The following POF1B variants were observed in gnomAD, a reference collection of about 807,000 sequenced individuals.
The protein encoded by POF1B is protein POF1B.
A neutral mutation model predicts 55.3 loss-of-function variants in POF1B; 53 were observed. That is an observed-to-expected ratio of 0.96 (90% confidence interval 0.77 to 1.20). The LOEUF (loss-of-function observed/expected upper bound fraction) is 1.20, where lower values mean the gene tolerates loss of function less well. Ranked by LOEUF, POF1B falls within the 50% of genes most tolerant of loss-of-function variation. The pLI is 0.00. For missense variants in POF1B, 478 were observed against 420.5 expected (o/e 1.14, Z -1.20); for synonymous variants, 188 against 148.3 (o/e 1.27, Z -1.95).
In POF1B at chrX:85,307,165, G is replaced by T. The variant is rs375697606; in HGVS notation, c.1162C>A (p.Gln388Lys). 11 of 1,192,948 alleles carry T rather than the reference G, an allele frequency of 9.2e-6. No individual in the cohort carries two copies. The highest frequency in any genetic ancestry group is 1.2e-5 in the Non-Finnish European group (11 of 882,596). The change falls in exon 11 of 17, where the codon CAG (glutamine) becomes AAG (lysine). Residue 388 changes from glutamine to lysine, a missense_variant and splice_region_variant. Transcript: ENST00000262753. ...CACCAATAAAAGCATCAGTTTACCT[G>T]CTGCTGGTGATTATTTGCTCTCACT... is the stretch of plus-strand genomic sequence containing the variant. ...ASVRANNHQQQQGLQDSSSKC... is the reference protein window; with the variant it reads ...ASVRANNHQQKQGLQDSSSKC...
intron 6 of POF1B, among the ~76,000 whole-genome samples, chrX:85,333,693 G>A (rs7886971): frequency 0.22 from 23,957 of 110,131 alleles, 2,514 homozygotes; most frequent in African/African-American, 0.41. Context: ...AAGAGTCAGT[G>A]TCATCACACA....
chrX:85,318,968 A>G, intron 7 of POF1B, among the ~76,000 whole-genome samples: 1 of 111,793 alleles, frequency 8.9e-6, no homozygotes. Context: ...CAGTATTGCC[A>G]TTTTGATAAT....
chrX:85,325,833 AC>A (rs894447672), intron 7 of POF1B, among the ~76,000 whole-genome samples: 1 of 110,532 alleles, frequency 9.0e-6, no homozygotes, highest in Non-Finnish European at 1.9e-5. Context: ...GAAGTTGCTG[AC>A]CTTTGGTTGG....
Position 85,308,125 on chromosome X carries a change from G to A in POF1B, c.1049C>T (p.Thr350Ile). The change falls in exon 10 of 17, where the codon ACA becomes ATA. Residue 350 changes from threonine (T) to isoleucine (I), a missense_variant and splice_region_variant. Transcript: ENST00000262753. ...EELGHLQNDM[T>I]SLENDKMRLE... ...GGAAAAAATCAAAATAAATCTTACT[G>A]TCATATCATTTTGAAGATGTCCAAG... The A allele has an allele frequency of 8.6e-7, 1 of 1,160,042 alleles. No homozygotes were observed. The highest frequency in any genetic ancestry group is 1.8e-5 in the African/African-American group (1 of 56,642).
intron 6 of POF1B, among the ~76,000 whole-genome samples, chrX:85,340,899 A>C (rs1035327912): frequency 2.7e-5 from 3 of 111,590 alleles, no homozygotes; most frequent in Non-Finnish European, 5.7e-5. Flanking sequence ...CAAATGAAAA[A>C]AATTAGAGAA....
At chrX:85,313,672 G>A (rs1444698126) in intron 9 of POF1B, among the ~76,000 whole-genome samples, 6 of 111,218 alleles carry the variant, frequency 5.4e-5, no homozygotes, top group Admixed American at 9.6e-5. Flanking sequence ...TTTGGTATCA[G>A]GATGATGCTG....
intron 3 of POF1B, 136 bp from the exon 4 acceptor site, chrX:85,359,766 T>C (rs956566440): frequency 2.3e-6 from 1 of 436,737 alleles, no homozygotes; most frequent in South Asian, 3.9e-5. Flanking sequence ...TTTTATGATT[T>C]AGTTAATTTT....
At chrX:85,282,132 A>G in intron 16 of POF1B, 71 bp downstream of exon 16, 1 of 1,032,473 alleles carries the variant, frequency 9.7e-7, no homozygotes, top group Non-Finnish European at 1.2e-6. Flanking sequence ...TTCATTTGAT[A>G]TTTTACCTCA....
chrX:85,360,059 A>G (rs2147944370), intron 3 of POF1B, among the ~76,000 whole-genome samples: 1 of 110,997 alleles, frequency 9.0e-6, no homozygotes, highest in East Asian at 2.8e-4. Flanking sequence ...AGTGTGCTGG[A>G]AAGAGAGGAC....
intron 16 of POF1B, among the ~76,000 whole-genome samples, chrX:85,279,983 C>A (rs150514308): frequency 0.03 from 3,364 of 110,715 alleles, 126 homozygotes; most frequent in African/African-American, 0.1. Flanking sequence ...ATTTTAAATT[C>A]TATGGGTTAA....
chrX:85,306,721 G>A (rs1932583606), intron 11 of POF1B, among the ~76,000 whole-genome samples: 1 of 111,390 alleles, frequency 9.0e-6, no homozygotes, highest in Non-Finnish European at 1.9e-5. Flanking sequence ...ATCAGGAAGA[G>A]GGTAATCCTT....
At chrX:85,365,648 C>G (rs932988220) in intron 3 of POF1B, among the ~76,000 whole-genome samples, 2 of 111,721 alleles carry the variant, frequency 1.8e-5, no homozygotes. Flanking sequence ...GCTATGCTCC[C>G]TCTCAATGCC....
intron 6 of POF1B, among the ~76,000 whole-genome samples, chrX:85,336,586 C>A (rs950155966): frequency 9.0e-6 from 1 of 111,188 alleles, no homozygotes; most frequent in African/African-American, 3.3e-5. Flanking sequence ...TTACACCTCC[C>A]GTTTGCCATT....
chrX:85,318,202 C>T (rs192935997), intron 7 of POF1B, among the ~76,000 whole-genome samples: 1 of 111,701 alleles, frequency 9.0e-6, no homozygotes, highest in Non-Finnish European at 1.9e-5. Context: ...CAAGCCTGTA[C>T]TTGTAATCCC....
At chrX:85,280,623 C>T (rs980144288) in intron 16 of POF1B, among the ~76,000 whole-genome samples, 2 of 111,037 alleles carry the variant, frequency 1.8e-5, no homozygotes, top group African/African-American at 6.5e-5. Context: ...ACTTTTATAC[C>T]TCAGTAGTTT....
At chrX:85,283,243 G>A (rs181442394) in intron 15 of POF1B, among the ~76,000 whole-genome samples, 1 of 111,170 alleles carries the variant, frequency 9.0e-6, no homozygotes, top group African/African-American at 3.3e-5. Context: ...GACTAATAAT[G>A]AAGAGAAATA....
intron 7 of POF1B, among the ~76,000 whole-genome samples, chrX:85,319,317 G>C (rs1932814469): frequency 1.8e-5 from 2 of 111,484 alleles, no homozygotes; most frequent in East Asian, 2.8e-4. Flanking sequence ...TCTGCAAACA[G>C]GGATAGTTTG....
intron 3 of POF1B, among the ~76,000 whole-genome samples, chrX:85,360,568 C>CATATACACT (rs1555988353): frequency 1.2e-5 from 1 of 81,575 alleles, no homozygotes; most frequent in African/African-American, 6.4e-5. Flanking sequence ...TACATATATA[C>CATATACACT]ACATTTTCTT....
At chrX:85,308,048 A>G (rs1243113892) in intron 10 of POF1B, 76 bp downstream of exon 10, 5 of 588,184 alleles carry the variant, frequency 8.5e-6, no homozygotes, top group Admixed American at 6.6e-5. Flanking sequence ...TTAAAAACAT[A>G]TACTGGACAT....
Sources: gnomAD v4.1 joint callset for allele counts (sites outside exome capture counted in the v4.1 genomes callset) on GRCh38, gnomAD v4.1.1 for gene constraint, MANE v1.5 for transcripts, NCBI Gene and HGNC (gene_info 2026-07-23, HGNC 2026-07-21) for gene names.